Variants in BPIFB6 observed in about 807,000 individuals in gnomAD.
BPIFB6 encodes BPI fold-containing family B member 6.
A neutral mutation model predicts 54.7 loss-of-function variants in BPIFB6; 47 were observed. That is an observed-to-expected ratio of 0.86 (90% CI 0.68 to 1.10). BPIFB6 has a LOEUF of 1.10. Ranked by LOEUF, BPIFB6 falls within the 50% of genes least tolerant of loss-of-function variation. BPIFB6 has a pLI of 0.00. For missense variants in BPIFB6, 603 were observed against 564.1 expected (o/e 1.07, Z -0.70); for synonymous variants, 255 against 225.9 (o/e 1.13, Z -1.16).
In BPIFB6 at chr20:33,041,233, C is replaced by A. The variant is rs549518645; in HGVS notation, c.1143-737C>A. Among the ~76,000 whole-genome samples, 280 of 152,274 alleles carry A rather than the reference C, an allele frequency of 1.8e-3. 4 individuals carry two copies. Among genetic ancestry groups the A allele is most frequent in the African/African-American group, 6.3e-3 (260 of 41,568 alleles). On this transcript the variant is annotated intron_variant, in intron 11 of 14. Coordinates refer to ENST00000349552, the MANE Select transcript of BPIFB6 (RefSeq NM_174897.2). ...CTGGATTTTCTGACCTCATGATCCA[C>A]CCGCCTCGGCCTCCCAAAGTGCTGG...
rs1329407219 is a variant in BPIFB6 at position 33,038,208 on chromosome 20, A to AAC, written c.846+471_846+472dup. ...CACCCAAACACCACTACATCCACCC[A>AAC]ACTTTCCTTTATCCATCCTCCTACT... is the stretch of plus-strand genomic sequence containing the variant. On this transcript the variant is annotated intron_variant, in intron 8 of 14. Transcript: ENST00000349552. Among the ~76,000 whole-genome samples the AAC allele has an allele frequency of 4.6e-5, 7 of 152,090 alleles. No homozygotes were observed. In the South Asian group the frequency reaches 8.3e-4, roughly 18 times the overall value.
chr20:33,040,544 C>T (rs1979538732), intron 11 of BPIFB6, among the ~76,000 whole-genome samples: 2 of 152,212 alleles, frequency 1.3e-5, no homozygotes, highest in Admixed American at 6.5e-5. Context: ...TCTTCCACCT[C>T]TACCCTCACT....
chr20:33,039,885 G>A (rs979005601), intron 10 of BPIFB6, among the ~76,000 whole-genome samples: 1 of 152,240 alleles, frequency 6.6e-6, no homozygotes, highest in Non-Finnish European at 1.5e-5. Flanking sequence ...GGTTGAGCAG[G>A]AGCTTGCCAG....
At chr20:33,041,203 A>G (rs941414060) in intron 11 of BPIFB6, among the ~76,000 whole-genome samples, 1 of 151,978 alleles carries the variant, frequency 6.6e-6, no homozygotes, top group Non-Finnish European at 1.5e-5. Flanking sequence ...GTTAGCCAGG[A>G]TGGTCTGGAT....
intron 4 of BPIFB6, 48 bp downstream of exon 4, chr20:33,034,960 C>A (rs754364254): frequency 1.2e-6 from 2 of 1,603,492 alleles, no homozygotes; most frequent in African/African-American, 1.3e-5. Context: ...TATTGCTATA[C>A]CCCCCAGCAT....
In BPIFB6 at chr20:33,035,667, T is replaced by G. The variant is rs538623298; in HGVS notation, c.572T>G (p.Leu191Arg). ...LVYVNRKWTN[L>R]SDPMPVGQMG... ...TATGTGAACAGGAAGTGGACCAACC[T>G]CAGTGGTGAGTGTAGCCCTACCCAC... is the stretch of plus-strand genomic sequence containing the variant. The change falls in exon 6 of 15, where the codon CTC (leucine) becomes CGC (arginine). Residue 191 changes from leucine to arginine, a missense_variant. Transcript: ENST00000349552. The G allele has an allele frequency of 6.2e-7, 1 of 1,614,004 alleles. No individual in the cohort carries two copies. The highest frequency in any genetic ancestry group is 1.3e-5 in the African/African-American group (1 of 75,010).
intron 1 of BPIFB6, 37 bp from the exon 2 acceptor site, chr20:33,032,947 C>T: frequency 6.4e-7 from 1 of 1,552,220 alleles, no homozygotes; most frequent in Non-Finnish European, 8.9e-7. Context: ...GTGATTGGCC[C>T]AGGGAAAATC....
Position 33,037,602 on chromosome 20 carries a change from C to T in BPIFB6, c.710C>T (p.Ala237Val), listed in dbSNP as rs757710710. 3.1e-6 allele frequency: 5 copies of T among 1,613,896 alleles called. No individual in the cohort carries two copies. The Admixed American group carries it at 8.3e-5, about 27-fold the overall frequency. The part of the protein sequence containing the change: ...QQQKGKTIKL[A>V]DAGEALTFPE... ...CAAAAGGGCAAAACCATCAAGCTTG[C>T]TGATGCCGGGGAGGCCCTCACGTTC... The change falls in exon 8 of 15, where the codon GCT becomes GTT. Residue 237 changes from alanine to valine, a missense_variant. Physicochemically the swap from Ala to Val is moderately conservative, Grantham distance 64. Coordinates refer to ENST00000349552, the MANE Select transcript of BPIFB6 (RefSeq NM_174897.2).
At chr20:33,034,078 A>G in intron 2 of BPIFB6, 108 bp from the exon 3 acceptor site, 1 of 783,318 alleles carries the variant, frequency 1.3e-6, no homozygotes, top group Non-Finnish European at 2.3e-6. Flanking sequence ...GACATGGGAT[A>G]GGAGGCCGGG....
At position 33,034,867 on chromosome 20, in the gene BPIFB6, G is replaced by A. The variant is rs913611456; in HGVS notation, c.407G>A (p.Gly136Asp). The change falls in exon 4 of 15, where the codon GGC becomes GAC. Residue 136 changes from glycine (G) to aspartate (D), a missense_variant. Coordinates refer to ENST00000349552, the MANE Select transcript of BPIFB6 (RefSeq NM_174897.2). The stretch of plus-strand genomic sequence containing the variant: ...GGCCTCCCCGTGTTCAAGAGTGAGG[G>A]CTGTGAGGTCATCCTGGTCAATGTG... Reference protein sequence around the residue: ...ETGLPVFKSEGCEVILVNVKT... With the variant: ...ETGLPVFKSEDCEVILVNVKT... 4.3e-6 allele frequency: 7 copies of A among 1,613,476 alleles called. No homozygotes were observed. The highest frequency in any genetic ancestry group is 5.9e-6 in the Non-Finnish European group (7 of 1,179,592).
At chr20:33,034,984 C>T in intron 4 of BPIFB6, 72 bp downstream of exon 4, 1 of 1,604,972 alleles carries the variant, frequency 6.2e-7, no homozygotes, top group Non-Finnish European at 8.5e-7. Flanking sequence ...ACTTCCTGAG[C>T]CATGGAACCC....
intron 9 of BPIFB6, 95 bp from the exon 10 acceptor site, chr20:33,039,252 A>C: frequency 7.7e-7 from 1 of 1,292,336 alleles, no homozygotes; most frequent in Non-Finnish European, 1.1e-6. Context: ...CCTGTGTCCA[A>C]CGTAGAAATC....
chr20:33,032,365 C>T (rs1040740099), intron 1 of BPIFB6, among the ~76,000 whole-genome samples: 5 of 152,082 alleles, frequency 3.3e-5, no homozygotes, highest in African/African-American at 1.2e-4. Context: ...GTGTTTCTGG[C>T]GGGGTGTTAC....
In BPIFB6 at chr20:33,041,278, C is replaced by G. The variant is rs1600527346; in HGVS notation, c.1143-692C>G. On this transcript the variant is annotated intron_variant, in intron 11 of 14. Transcript: ENST00000349552. ...TGCTGGGATTACAGGCATGAGCCAC[C>G]ACACCCGGCCTAACTTTAGGGGTAG... is the stretch of plus-strand genomic sequence containing the variant. 2.0e-5 allele frequency among the ~76,000 whole-genome samples: 3 copies of G among 152,270 alleles called. No homozygotes were observed. The Middle Eastern group carries it at 0.01, about 518-fold the overall frequency.
intron 9 of BPIFB6, 124 bp downstream of exon 9, chr20:33,039,086 A>T (rs992626734): frequency 8.3e-7 from 1 of 1,199,492 alleles, no homozygotes; most frequent in African/African-American, 1.5e-5. Flanking sequence ...ATGCTGAAAC[A>T]TCTTTTCTTC....
intron 8 of BPIFB6, 85 bp from the exon 9 acceptor site, chr20:33,038,824 T>G (rs2036389914): frequency 1.5e-6 from 2 of 1,302,152 alleles, no homozygotes; most frequent in Non-Finnish European, 2.2e-6. Context: ...CCTCAAAGGG[T>G]ACACCTTGTT....
chr20:33,034,640 C>G, intron 3 of BPIFB6, 123 bp from the exon 4 acceptor site: 1 of 1,132,674 alleles, frequency 8.8e-7, no homozygotes. Context: ...CCTTTTCTGT[C>G]TTGTAGGGGT....
chr20:33,043,378 G>A lies in BPIFB6; in HGVS notation c.1329+11G>A, dbSNP rs187723513. On this transcript the variant is annotated intron_variant, in intron 14 of 14. Coordinates refer to ENST00000349552, the MANE Select transcript of BPIFB6 (RefSeq NM_174897.2). ...CTGGACATAGTAGAGGTGAGAGGAG[G>A]GGCTAGGGGAGGTCATGTCAATCAA... 1.3e-4 allele frequency: 216 copies of A among 1,613,222 alleles called. 1 individual carries two copies. The African/African-American group carries it at 2.5e-3, about 19-fold the overall frequency.
chr20:33,038,866 A>G (rs1311567879), intron 8 of BPIFB6, 43 bp from the exon 9 acceptor site: 1 of 1,593,768 alleles, frequency 6.3e-7, no homozygotes, highest in Non-Finnish European at 8.6e-7. Context: ...AGGATGGGCC[A>G]GGGAGGACTC....
Sources: gnomAD v4.1 joint callset for allele counts (sites outside exome capture counted in the v4.1 genomes callset) on GRCh38, gnomAD v4.1.1 for gene constraint, MANE v1.5 for transcripts, NCBI Gene and HGNC (gene_info 2026-07-23, HGNC 2026-07-21) for gene names.